LAMA1: variants seen among roughly 807,000 people sequenced by gnomAD.
LAMA1 encodes the protein laminin subunit alpha 1.
In LAMA1, 219 loss-of-function variants were observed where a neutral mutation model predicts 348.7. The ratio of observed to expected loss-of-function variants is 0.63; its 90% CI spans 0.56 to 0.70. LAMA1 has a LOEUF of 0.70. Among genes scored for constraint, LAMA1 ranks in the 30% least tolerant of loss-of-function variants. The probability of loss-of-function intolerance (pLI) is 0.00; values close to 1 mark genes in which losing one functional copy is unlikely to be tolerated. For synonymous variants in LAMA1, 1,487 were observed against 1,491.0 expected (o/e 1.00, Z 0.06); for missense variants, 3,744 against 3,888.0 (o/e 0.96, Z 0.99).
chr18:6,946,609 C>T (rs2057522905), intron 61 of LAMA1, among the ~76,000 whole-genome samples: 1 of 152,076 alleles, frequency 6.6e-6, no homozygotes. Flanking sequence ...ATCCCAGCTA[C>T]TCAGGAGGCT....
chr18:7,032,238 C>T lies in LAMA1; in HGVS notation c.2164-62G>A, dbSNP rs1200919747. 9.6e-6 allele frequency: 10 copies of T among 1,041,944 alleles called. No homozygotes were observed. In the South Asian group the frequency reaches 1.0e-4, roughly 11 times the overall value. 64.5% of individuals were successfully genotyped at this position (1,041,944 alleles called of 1,614,324 possible). On this transcript the variant is annotated intron_variant, in intron 15 of 62. Transcript: ENST00000389658. Reference sequence around the variant, plus strand: ...GTTACAAACAGAAACTGCTCAGTTGCCAGAGTACAGAAATGTCTTTTTTCT... The same window carrying T: ...GTTACAAACAGAAACTGCTCAGTTGTCAGAGTACAGAAATGTCTTTTTTCT...
chr18:6,970,536 G>C (rs1354523471), intron 48 of LAMA1, among the ~76,000 whole-genome samples: 1 of 152,036 alleles, frequency 6.6e-6, no homozygotes, highest in East Asian at 1.9e-4. Flanking sequence ...TTTGGTGGGG[G>C]ACCTGGGCCA....
At chr18:7,097,836 T>TCTCCCC (rs1216129741) in intron 1 of LAMA1, among the ~76,000 whole-genome samples, 1 of 150,430 alleles carries the variant, frequency 6.6e-6, no homozygotes, top group African/African-American at 2.4e-5. Flanking sequence ...TCCCTCTCCC[T>TCTCCCC]CTCCCCTCTC....
intron 1 of LAMA1, among the ~76,000 whole-genome samples, chr18:7,091,265 A>C (rs1393669873): frequency 6.6e-6 from 1 of 152,242 alleles, no homozygotes; most frequent in Non-Finnish European, 1.5e-5. Context: ...AATATGCAAC[A>C]CATTTAAAAT....
At chr18:7,012,401 C>A (rs2057864911) in intron 23 of LAMA1, among the ~76,000 whole-genome samples, 1 of 151,690 alleles carries the variant, frequency 6.6e-6, no homozygotes. Flanking sequence ...TGTCCCGAGA[C>A]AACTCTGGAA....
chr18:7,023,792 A>T (rs1263896587), intron 18 of LAMA1, among the ~76,000 whole-genome samples: 2 of 152,118 alleles, frequency 1.3e-5, no homozygotes, highest in African/African-American at 2.4e-5. Context: ...GGAATATTCA[A>T]ATGTGTGAAC....
At position 7,040,060 on chromosome 18, in the gene LAMA1, TG is replaced by T. The variant is rs777510850; in HGVS notation, c.1422+15del. ...CTCAAAGGAAGCTCAGGGGTGTCTC[TG>T]ACCTCCCCACTTACCTTACAAACAC... On this transcript the variant is annotated intron_variant, in intron 10 of 62. Transcript: ENST00000389658. The T allele has an allele frequency of 8.1e-6, 13 of 1,613,462 alleles. No homozygotes were observed. The African/African-American group carries it at 1.3e-4, about 17-fold the overall frequency.
At chr18:6,996,636 A>G (rs893895623) in intron 33 of LAMA1, among the ~76,000 whole-genome samples, 14 of 152,040 alleles carry the variant, frequency 9.2e-5, no homozygotes, top group African/African-American at 3.1e-4. Context: ...AGAACTAGCC[A>G]GGCATGGTGG....
At position 7,105,477 on chromosome 18, in the gene LAMA1, T is replaced by TAAAC. The variant is rs72149648; in HGVS notation, c.61+12179_61+12182dup. Among the ~76,000 whole-genome samples the TAAAC allele has an allele frequency of 3.7e-4, 52 of 139,938 alleles. 1 individual carries two copies. The highest frequency in any genetic ancestry group is 1.1e-3 in the South Asian group (5 of 4,426). 91.8% of individuals were successfully genotyped at this position (139,938 alleles called of 152,430 possible). ...ATAAATAAATAAATAAATAAATAAA[T>TAAAC]AAACAAACAAGAGCAGAAGAGGACA... On this transcript the variant is annotated intron_variant, in intron 1 of 62. Coordinates refer to ENST00000389658, the MANE Select transcript of LAMA1 (RefSeq NM_005559.4).
intron 1 of LAMA1, among the ~76,000 whole-genome samples, 158 bp from the exon 2 acceptor site, chr18:7,080,615 C>G (rs2143783677): frequency 6.6e-6 from 1 of 152,276 alleles, no homozygotes; most frequent in East Asian, 1.9e-4. Context: ...ATGGTTTCAT[C>G]TATATGAAAT....
chr18:6,984,765 T>C (rs532564543), intron 39 of LAMA1, among the ~76,000 whole-genome samples: 3 of 152,280 alleles, frequency 2.0e-5, no homozygotes, highest in African/African-American at 4.8e-5. Flanking sequence ...GGAGGTGGTA[T>C]CTCTCAGGGA....
chr18:6,971,805 T>A (rs897150366), intron 48 of LAMA1, 52 bp downstream of exon 48: 1 of 1,612,344 alleles, frequency 6.2e-7, no homozygotes, highest in Non-Finnish European at 8.5e-7. Flanking sequence ...TCAGCACTTC[T>A]CAGATGTTAA....
rs1317677339 is a variant in LAMA1, at chr18:7,083,176, A to AAT, written c.62-2721_62-2720dup. On this transcript the variant is annotated intron_variant, in intron 1 of 62. Transcript: ENST00000389658. The stretch of plus-strand genomic sequence containing the variant: ...ACAGGTTTCTTACCTGGCTGTTCTA[A>AAT]ATATATATATATATACATTTTTTTT... Among the ~76,000 whole-genome samples the AAT allele has an allele frequency of 4.4e-3, 650 of 147,986 alleles. 5 individuals carry two copies. Among genetic ancestry groups the AAT allele is most frequent in the African/African-American group, 9.3e-3 (376 of 40,278 alleles).
At chr18:7,028,656 T>C (rs949078888) in intron 16 of LAMA1, among the ~76,000 whole-genome samples, 1 of 152,228 alleles carries the variant, frequency 6.6e-6, no homozygotes, top group Admixed American at 6.5e-5. Flanking sequence ...CATAGATTTA[T>C]ACCAGCGAAT....
chr18:7,067,756 A>G (rs568550244), intron 3 of LAMA1, among the ~76,000 whole-genome samples: 1 of 152,288 alleles, frequency 6.6e-6, no homozygotes, highest in South Asian at 2.1e-4. Context: ...CTCCACAGAC[A>G]TGCCAGGCTT....
intron 36 of LAMA1, 46 bp from the exon 37 acceptor site, chr18:6,986,393 G>T (rs201075772): frequency 6.4e-7 from 1 of 1,571,740 alleles, no homozygotes. Context: ...GAACAACAAA[G>T]CTCCTATCTC....
chr18:7,062,469 G>A (rs1017782461), intron 3 of LAMA1, among the ~76,000 whole-genome samples: 17 of 152,258 alleles, frequency 1.1e-4, no homozygotes, highest in Admixed American at 4.6e-4. Context: ...TTTGTGCACC[G>A]TGGTTAAAAC....
chr18:7,032,457 T>G (rs2057974611), intron 15 of LAMA1, among the ~76,000 whole-genome samples: 1 of 152,212 alleles, frequency 6.6e-6, no homozygotes, highest in African/African-American at 2.4e-5. Flanking sequence ...CGGCCTATTC[T>G]TGTTATGGTA....
At chr18:7,115,819 A>AAAAAAAAAT (rs1568075550) in intron 1 of LAMA1, among the ~76,000 whole-genome samples, 1 of 53,724 alleles carries the variant, frequency 1.9e-5, no homozygotes, top group Non-Finnish European at 4.8e-5. Flanking sequence ...AAATACAAAA[A>AAAAAAAAAT]AAAAAAAAAA....
Sources: gnomAD v4.1 joint callset for allele counts (sites outside exome capture counted in the v4.1 genomes callset) on GRCh38, gnomAD v4.1.1 for gene constraint, MANE v1.5 for transcripts, NCBI Gene and HGNC (gene_info 2026-07-23, HGNC 2026-07-21) for gene names.